The following RIMS2 variants were observed in gnomAD, a reference collection of about 807,000 sequenced individuals.
RIMS2 encodes regulating synaptic membrane exocytosis protein 2.
Under a neutral mutation model 174.4 loss-of-function variants are expected in RIMS2, and 59 were observed. The ratio of observed to expected loss-of-function variants is 0.34; its 90% CI spans 0.27 to 0.42. RIMS2 has a LOEUF of 0.42. RIMS2 is among the 10% of genes least tolerant of loss of function. The pLI is 1.00. For synonymous variants in RIMS2, 606 were observed against 572.5 expected, an observed-to-expected ratio of 1.06 and a Z score of -0.84; for missense variants, 1,620 against 1,666.3, an observed-to-expected ratio of 0.97 and a Z score of 0.48.
chr8:103,525,214 G>A, intron 1 of RIMS2, among the ~76,000 whole-genome samples: 1 of 152,166 alleles, frequency 6.6e-6, no homozygotes, highest in East Asian at 1.9e-4. Flanking sequence ...AGTTACAGGG[G>A]CTGGTAGAAA....
At chr8:104,161,554 G>C (rs2098761382) in intron 19 of RIMS2, among the ~76,000 whole-genome samples, 1 of 152,148 alleles carries the variant, frequency 6.6e-6, no homozygotes, top group African/African-American at 2.4e-5. Flanking sequence ...AGAAAGACTA[G>C]AGATCAAGAA....
intron 3 of RIMS2, among the ~76,000 whole-genome samples, chr8:103,825,323 A>G (rs1176028104): frequency 6.6e-6 from 1 of 151,810 alleles, no homozygotes; most frequent in Non-Finnish European, 1.5e-5. Context: ...TCTCTCTGTC[A>G]CCCAGGCTGG....
At chr8:103,675,067 T>A (rs571562912) in intron 1 of RIMS2, among the ~76,000 whole-genome samples, 2 of 152,284 alleles carry the variant, frequency 1.3e-5, no homozygotes, top group East Asian at 3.9e-4. Context: ...CTCGCCACCA[T>A]GGCCGGCTAA....
Position 103,581,613 on chromosome 8 carries a change from A to C in RIMS2, c.176+80551A>C, listed in dbSNP as rs550101325. Among the ~76,000 whole-genome samples, 6 of 152,336 alleles carry C rather than the reference A, an allele frequency of 3.9e-5. No homozygotes were observed. In the South Asian group the frequency reaches 1.0e-3, roughly 26 times the overall value. ...CACTTTTAATCAATATAAAAGTGAA[A>C]GTCCTGGCCAGAGCAATTAAGCAAG... On this transcript the variant is annotated intron_variant, in intron 1 of 23. Transcript: ENST00000504942.
At chr8:103,733,450 A>G (rs865958195) in intron 2 of RIMS2, among the ~76,000 whole-genome samples, 54 of 151,902 alleles carry the variant, frequency 3.6e-4, no homozygotes, top group African/African-American at 8.0e-4. Context: ...CATGTTCCCA[A>G]GTTCACTGAC....
intron 13 of RIMS2, among the ~76,000 whole-genome samples, chr8:103,940,348 G>C (rs1191824578): frequency 6.6e-6 from 1 of 152,104 alleles, no homozygotes; most frequent in African/African-American, 2.4e-5. Flanking sequence ...CAGATCTTGT[G>C]AGATTTATTC....
intron 1 of RIMS2, among the ~76,000 whole-genome samples, chr8:103,609,485 C>T (rs1260100087): frequency 6.6e-6 from 1 of 152,072 alleles, no homozygotes; most frequent in East Asian, 1.9e-4. Context: ...TTTATAGTTT[C>T]AGGCTTTACA....
chr8:104,239,061 G>A (rs2099273465), intron 19 of RIMS2, among the ~76,000 whole-genome samples: 1 of 152,138 alleles, frequency 6.6e-6, no homozygotes, highest in African/African-American at 2.4e-5. Context: ...ACCAGGAATG[G>A]GTTATGTGAA....
chr8:103,813,418 T>TTCTTTCTTTC (rs1201999264), intron 3 of RIMS2, among the ~76,000 whole-genome samples: 22 of 151,770 alleles, frequency 1.4e-4, no homozygotes, highest in South Asian at 2.1e-4. Context: ...CTTTCTTTAT[T>TTCTTTCTTTC]ATACTTTAAG....
intron 2 of RIMS2, among the ~76,000 whole-genome samples, chr8:103,711,014 C>T (rs16870641): frequency 0.18 from 26,899 of 152,042 alleles, 2,585 homozygotes; most frequent in African/African-American, 0.24. Flanking sequence ...GTGGAAGGAA[C>T]GCTTTTTGGG....
chr8:104,191,897 G>A (rs894606293), intron 19 of RIMS2, among the ~76,000 whole-genome samples: 1 of 152,044 alleles, frequency 6.6e-6, no homozygotes, highest in African/African-American at 2.4e-5. Context: ...AAGCCTCCGT[G>A]CCCAGTCACA....
intron 17 of RIMS2, among the ~76,000 whole-genome samples, chr8:104,005,516 T>C (rs977409920): frequency 1.3e-5 from 2 of 151,856 alleles, no homozygotes; most frequent in African/African-American, 4.8e-5. Context: ...AACAATGGAG[T>C]AAGGATTCTC....
In RIMS2 at chr8:103,607,975, T is replaced by C. The variant is rs891844170; in HGVS notation, c.177-89111T>C. ...CCTCCCATAGCTCAGAGTAATTTGA[T>C]CGTCTGAAGCCTTCTTCTCTCAGCT... is the stretch of plus-strand genomic sequence containing the variant. On this transcript the variant is annotated intron_variant, in intron 1 of 23. Coordinates refer to ENST00000504942, the Ensembl canonical transcript of RIMS2. 4.9e-4 allele frequency among the ~76,000 whole-genome samples: 72 copies of C among 146,646 alleles called. 1 individual carries two copies. The highest frequency in any genetic ancestry group is 1.8e-3 in the African/African-American group (71 of 38,664).
intron 19 of RIMS2, among the ~76,000 whole-genome samples, chr8:104,188,604 AGAGATGTAGTATCCAAATTAC>A (rs1422826392): frequency 6.6e-6 from 1 of 151,902 alleles, no homozygotes; most frequent in Non-Finnish European, 1.5e-5. Flanking sequence ...GGCATTGTGC[AGAGATGTAGTATCCAAATTAC>A]AGTTTACTCT....
intron 3 of RIMS2, among the ~76,000 whole-genome samples, chr8:103,858,090 T>C (rs1662042510): frequency 6.6e-6 from 1 of 152,280 alleles, no homozygotes; most frequent in South Asian, 2.1e-4. Context: ...GAGAAATAAA[T>C]ACCTCTCCTG....
intron 3 of RIMS2, among the ~76,000 whole-genome samples, chr8:103,802,318 C>CT (rs2098616037): frequency 6.6e-6 from 1 of 152,062 alleles, no homozygotes; most frequent in African/African-American, 2.4e-5. Context: ...AGATATTTTA[C>CT]AGATATATTA....
chr8:104,009,428 G>A (rs1447660191), intron 17 of RIMS2, among the ~76,000 whole-genome samples: 1 of 151,672 alleles, frequency 6.6e-6, no homozygotes, highest in Non-Finnish European at 1.5e-5. Context: ...TGAACAACTA[G>A]GACTATAGGT....
chr8:104,079,937 A>G (rs1014721720), intron 19 of RIMS2, among the ~76,000 whole-genome samples: 7 of 152,000 alleles, frequency 4.6e-5, no homozygotes, highest in African/African-American at 1.7e-4. Context: ...AAAAGATTCT[A>G]GAGAAGGTGA....
At chr8:103,717,876 A>G (rs2138278366) in intron 2 of RIMS2, among the ~76,000 whole-genome samples, 1 of 152,306 alleles carries the variant, frequency 6.6e-6, no homozygotes, top group South Asian at 2.1e-4. Context: ...ACATATAGCT[A>G]GCTATTGAAC....
Sources: allele counts gnomAD v4.1 joint callset (sites outside exome capture counted in the v4.1 genomes callset), GRCh38; gene constraint gnomAD v4.1.1; transcripts MANE v1.5; gene names NCBI Gene and HGNC (gene_info 2026-07-23, HGNC 2026-07-21).